Variants in RANBP2 observed in about 807,000 individuals in gnomAD.
RANBP2 encodes the protein E3 SUMO-protein ligase RanBP2.
In RANBP2, 57 loss-of-function variants were observed where a neutral mutation model predicts 303.6. The ratio of observed to expected loss-of-function variants is 0.19; its 90% CI spans 0.15 to 0.23. RANBP2 has a LOEUF of 0.23. Ranked by LOEUF, RANBP2 falls within the 10% of genes least tolerant of loss-of-function variation. The pLI is 1.00. For missense variants in RANBP2, 3,138 were observed against 3,780.8 expected, an observed-to-expected ratio of 0.83 and a Z score of 4.46; for synonymous variants, 1,167 against 1,301.5, an observed-to-expected ratio of 0.90 and a Z score of 2.23.
chr2:109,628,699 A>G, the RANBP2 span, among the ~76,000 whole-genome samples: 1 of 152,014 alleles, frequency 6.6e-6, no homozygotes, highest in Non-Finnish European at 1.5e-5. Flanking sequence ...GCTTATGTAT[A>G]TTCCAACCTG....
At chr2:109,065,082 C>T in the RANBP2 span, among the ~76,000 whole-genome samples, 35 of 152,292 alleles carry the variant, frequency 2.3e-4, no homozygotes, top group Non-Finnish European at 2.2e-4. Context: ...CCTGGCTTCT[C>T]ATTAAGCCAA....
At chr2:109,093,789 G>A in the RANBP2 span, among the ~76,000 whole-genome samples, 22 of 151,934 alleles carry the variant, frequency 1.4e-4, no homozygotes, top group South Asian at 1.3e-3. Flanking sequence ...TCTCCGTTTT[G>A]TCTTCTTGCC....
chr2:108,790,475 G>C, downstream of RANBP2, among the ~76,000 whole-genome samples: 1 of 152,142 alleles, frequency 6.6e-6, no homozygotes, highest in East Asian at 1.9e-4. Flanking sequence ...TACTTGAAAT[G>C]GGGCTGGTCT....
At chr2:109,295,665 TG>T in the RANBP2 span, among the ~76,000 whole-genome samples, 1 of 152,142 alleles carries the variant, frequency 6.6e-6, no homozygotes, top group South Asian at 2.1e-4. Flanking sequence ...AGGGGCCTGC[TG>T]CCTGGTTGGT....
chr2:109,760,606 CTCTGGCGCGGCTGG>C, the RANBP2 span, among the ~76,000 whole-genome samples: 72 of 143,060 alleles, frequency 5.0e-4, 2 homozygotes, highest in Non-Finnish European at 9.4e-4. Flanking sequence ...GCGGCGGCCG[CTCTGGCGCGGCTGG>C]GATGCACCTT....
At chr2:108,909,404 C>T in the RANBP2 span, among the ~76,000 whole-genome samples, 2 of 149,338 alleles carry the variant, frequency 1.3e-5, no homozygotes, top group Non-Finnish European at 3.0e-5. Context: ...ACAGGATCTC[C>T]ACACAGATGC....
the RANBP2 span, among the ~76,000 whole-genome samples, chr2:109,032,315 C>T: frequency 2.0e-5 from 3 of 152,278 alleles, no homozygotes; most frequent in African/African-American, 7.2e-5. Context: ...TCCCCACCCC[C>T]TCTTTGTTTT....
At chr2:109,361,548 A>G in the RANBP2 span, among the ~76,000 whole-genome samples, 2 of 152,128 alleles carry the variant, frequency 1.3e-5, no homozygotes, top group African/African-American at 4.8e-5. Context: ...ATCTTGGCTC[A>G]TTGCAACCTC....
the RANBP2 span, among the ~76,000 whole-genome samples, chr2:109,453,649 T>A: frequency 6.6e-6 from 1 of 152,208 alleles, no homozygotes; most frequent in Admixed American, 6.5e-5. Flanking sequence ...CATGAGGATG[T>A]ACCTGGCAGA....
the RANBP2 span, among the ~76,000 whole-genome samples, chr2:108,872,660 AGGGCAAGAGAGAG>A: frequency 6.6e-6 from 1 of 152,114 alleles, no homozygotes; most frequent in East Asian, 1.9e-4. Flanking sequence ...AGAGGACAAG[AGGGCAAGAGAGAG>A]CAAGAGGGGG....
At chr2:109,268,700 G>T in the RANBP2 span, among the ~76,000 whole-genome samples, 2 of 151,822 alleles carry the variant, frequency 1.3e-5, no homozygotes, top group Non-Finnish European at 2.9e-5. Flanking sequence ...CACTTTCAGG[G>T]CAGTGTTCAA....
At chr2:108,851,545 G>A in the RANBP2 span, among the ~76,000 whole-genome samples, 2 of 152,010 alleles carry the variant, frequency 1.3e-5, no homozygotes, top group South Asian at 4.2e-4. Context: ...CAGGTGATCC[G>A]CCCACCTCAG....
the RANBP2 span, among the ~76,000 whole-genome samples, chr2:109,621,074 A>G: frequency 2.6e-5 from 4 of 152,228 alleles, no homozygotes; most frequent in African/African-American, 9.6e-5. Flanking sequence ...AGCTTTGGCC[A>G]AAAGCAGCCT....
At chr2:109,744,866 T>G in the RANBP2 span, among the ~76,000 whole-genome samples, 1 of 17,492 alleles carries the variant, frequency 5.7e-5, no homozygotes, top group Admixed American at 6.2e-4. Flanking sequence ...TTTGGCTGTT[T>G]CTTACAAAAC....
the RANBP2 span, among the ~76,000 whole-genome samples, chr2:109,445,576 ATTAT>A: frequency 6.6e-6 from 1 of 152,224 alleles, no homozygotes; most frequent in Non-Finnish European, 1.5e-5. Context: ...TAGAAGGAAG[ATTAT>A]TTATTAAATG....
the RANBP2 span, among the ~76,000 whole-genome samples, chr2:109,107,665 A>T: frequency 7.2e-5 from 11 of 152,334 alleles, no homozygotes; most frequent in East Asian, 2.1e-3. Context: ...ACTCAGCCTC[A>T]GCAACAGAAA....
At chr2:108,963,327 G>A in the RANBP2 span, among the ~76,000 whole-genome samples, 2 of 152,210 alleles carry the variant, frequency 1.3e-5, no homozygotes, top group African/African-American at 4.8e-5. Context: ...AATTCAATTT[G>A]CTTTCAAGAG....
At chr2:109,371,465 C>T in the RANBP2 span, 11 of 737,222 alleles carry the variant, frequency 1.5e-5, no homozygotes, top group South Asian at 1.7e-4. Flanking sequence ...ATAATGCACT[C>T]TTCTTGAACT....
chr2:109,277,456 C>T, the RANBP2 span, among the ~76,000 whole-genome samples: 2 of 152,194 alleles, frequency 1.3e-5, no homozygotes, highest in African/African-American at 2.4e-5. Context: ...TAGTATCTCC[C>T]GTGAAGAGTC....
Sources: allele counts gnomAD v4.1 joint callset (sites outside exome capture counted in the v4.1 genomes callset), GRCh38; gene constraint gnomAD v4.1.1; transcripts MANE v1.5; gene names NCBI Gene and HGNC (gene_info 2026-07-23, HGNC 2026-07-21).